MIPOL1: variants seen among roughly 807,000 people sequenced by gnomAD.
MIPOL1 encodes the protein mirror-image polydactyly gene 1 protein.
Under a neutral mutation model 60.9 loss-of-function variants are expected in MIPOL1, and 57 were observed. That is an observed-to-expected ratio of 0.94 (90% CI 0.76 to 1.17). The LOEUF is 1.17. Among genes scored for constraint, MIPOL1 ranks in the 50% most tolerant of loss-of-function variants. The pLI, the probability that MIPOL1 is intolerant of heterozygous loss-of-function variation, is 0.00. For synonymous variants in MIPOL1, 179 were observed against 168.8 expected (o/e 1.06, Z -0.47); for missense variants, 551 against 511.6 (o/e 1.08, Z -0.74).
chr14:37,207,508 T>C (rs1176502446), intron 1 of MIPOL1, among the ~76,000 whole-genome samples: 3 of 151,538 alleles, frequency 2.0e-5, no homozygotes, highest in Non-Finnish European at 4.4e-5. Context: ...TCTGTTTTTA[T>C]CAGTTTAAAC....
intron 10 of MIPOL1, among the ~76,000 whole-genome samples, chr14:37,379,363 A>C (rs1333672944): frequency 6.6e-6 from 1 of 152,112 alleles, no homozygotes; most frequent in East Asian, 1.9e-4. Flanking sequence ...TAAAACTCCT[A>C]GAAGAAAAAA....
chr14:37,381,587 A>AT (rs757364292), intron 10 of MIPOL1, among the ~76,000 whole-genome samples: 5,079 of 147,392 alleles, frequency 0.034, 153 homozygotes, highest in Admixed American at 0.093. Flanking sequence ...CTGAATTGGA[A>AT]TTTTTTTTTT....
At chr14:37,529,965 G>C (rs2095470028) in intron 12 of MIPOL1, among the ~76,000 whole-genome samples, 1 of 152,198 alleles carries the variant, frequency 6.6e-6, no homozygotes, top group South Asian at 2.1e-4. Context: ...ATTACTTGAT[G>C]AAAATAGCAT....
chr14:37,204,062 G>A (rs12323779), intron 1 of MIPOL1, among the ~76,000 whole-genome samples: 2,487 of 151,996 alleles, frequency 0.016, 55 homozygotes, highest in African/African-American at 0.055. Context: ...GATTACAGAC[G>A]TGAGCCACTG....
intron 9 of MIPOL1, among the ~76,000 whole-genome samples, chr14:37,364,213 A>C (rs1176271710): frequency 6.6e-6 from 1 of 152,230 alleles, no homozygotes; most frequent in Non-Finnish European, 1.5e-5. Context: ...CCAGTCTTCT[A>C]CGTGGATCAC....
intron 7 of MIPOL1, among the ~76,000 whole-genome samples, chr14:37,305,437 A>G (rs1400779990): frequency 6.6e-6 from 1 of 151,780 alleles, no homozygotes; most frequent in African/African-American, 2.4e-5. Context: ...ACACTTGATC[A>G]CTTATTGTGT....
intron 3 of MIPOL1, among the ~76,000 whole-genome samples, chr14:37,259,554 G>C (rs2082368038): frequency 6.6e-6 from 1 of 151,794 alleles, no homozygotes; most frequent in South Asian, 2.1e-4. Context: ...GTGACAGAGT[G>C]AGACCCTGTC....
At chr14:37,314,989 T>C (rs575774904) in intron 9 of MIPOL1, among the ~76,000 whole-genome samples, 5 of 152,226 alleles carry the variant, frequency 3.3e-5, no homozygotes, top group Admixed American at 6.5e-5. Flanking sequence ...ATGGAACTTA[T>C]GTTTTCATAT....
intron 10 of MIPOL1, among the ~76,000 whole-genome samples, chr14:37,390,434 G>C (rs1566502444): frequency 6.6e-6 from 1 of 151,672 alleles, no homozygotes; most frequent in South Asian, 2.1e-4. Flanking sequence ...TAAGACCACA[G>C]GCTCAAAACA....
chr14:37,350,520 T>C (rs1005776440), intron 9 of MIPOL1, among the ~76,000 whole-genome samples: 5 of 152,162 alleles, frequency 3.3e-5, no homozygotes, highest in Non-Finnish European at 7.3e-5. Context: ...TGTTTTGATA[T>C]AGGCATGCAA....
chr14:37,249,598 A>T (rs1278351136), intron 3 of MIPOL1, among the ~76,000 whole-genome samples: 1 of 152,158 alleles, frequency 6.6e-6, no homozygotes, highest in Non-Finnish European at 1.5e-5. Flanking sequence ...ATCATATATA[A>T]TATCTGGGTA....
At chr14:37,406,374 A>C (rs2093587879) in intron 10 of MIPOL1, among the ~76,000 whole-genome samples, 1 of 152,148 alleles carries the variant, frequency 6.6e-6, no homozygotes, top group African/African-American at 2.4e-5. Flanking sequence ...AGATGTAGTG[A>C]AAAAACATAC....
At chr14:37,269,888 C>T (rs975526056) in intron 5 of MIPOL1, among the ~76,000 whole-genome samples, 9 of 152,060 alleles carry the variant, frequency 5.9e-5, no homozygotes, top group Non-Finnish European at 8.8e-5. Context: ...AGTTCAATGG[C>T]GCGATCTCAG....
intron 9 of MIPOL1, among the ~76,000 whole-genome samples, chr14:37,359,032 AGTT>A (rs2092044894): frequency 6.6e-6 from 1 of 152,210 alleles, no homozygotes. Flanking sequence ...GAAGGGATCC[AGTT>A]TCAGCTTTCT....
At chr14:37,349,939 A>G (rs2153471865) in intron 9 of MIPOL1, among the ~76,000 whole-genome samples, 1 of 152,366 alleles carries the variant, frequency 6.6e-6, no homozygotes, top group East Asian at 1.9e-4. Context: ...GAATGGTGAT[A>G]TTTAAGCAGG....
At position 37,270,485 on chromosome 14, in the gene MIPOL1, A is replaced by G; in HGVS notation, c.453A>G (p.Gln151=). 6.2e-7 allele frequency: 1 copy of G among 1,602,182 alleles called. No individual in the cohort carries two copies. Residue 151 remains glutamine, a synonymous_variant, in exon 6 of 13, where the codon CAA becomes CAG. Coordinates refer to ENST00000684589, the MANE Select transcript of MIPOL1 (RefSeq NM_001388067.1). The stretch of plus-strand genomic sequence containing the variant: ...AACTAAAGTTTAAGCTGGAACTCCA[A>G]GAGAAAGAAACAGAAGCTAAAATTG... ...QRKLKFKLEL[Q]EKETEAKIAE...
chr14:37,361,519 G>A (rs2092240201), intron 9 of MIPOL1, among the ~76,000 whole-genome samples: 1 of 150,934 alleles, frequency 6.6e-6, no homozygotes, highest in Non-Finnish European at 1.5e-5. Context: ...TTCCTGTATT[G>A]GGTGCATATA....
chr14:37,206,245 C>A (rs981797214), intron 1 of MIPOL1, among the ~76,000 whole-genome samples: 26 of 152,158 alleles, frequency 1.7e-4, no homozygotes, highest in African/African-American at 6.0e-4. Flanking sequence ...CCCTGTGTCC[C>A]AGACACGCCA....
At chr14:37,283,978 A>G (rs186859761) in intron 6 of MIPOL1, among the ~76,000 whole-genome samples, 2 of 152,316 alleles carry the variant, frequency 1.3e-5, no homozygotes, top group East Asian at 1.9e-4. Context: ...TGGCCTCCCA[A>G]AGTGCTGGGA....
Sources: gnomAD v4.1 joint callset for allele counts (sites outside exome capture counted in the v4.1 genomes callset) on GRCh38, gnomAD v4.1.1 for gene constraint, MANE v1.5 for transcripts, NCBI Gene and HGNC (gene_info 2026-07-23, HGNC 2026-07-21) for gene names.